Variants in FUNDC2 observed in about 807,000 individuals in gnomAD.
FUNDC2 encodes FUN14 domain containing 2.
FUNDC2 carries 4 observed loss-of-function variants against 15.6 expected under a neutral mutation model. The observed-to-expected ratio is 0.26, with a 90% CI of 0.13 to 0.59. The LOEUF (loss-of-function observed/expected upper bound fraction) is 0.59. Among genes scored for constraint, FUNDC2 ranks in the 20% least tolerant of loss-of-function variants. FUNDC2 has a pLI of 0.90. For synonymous variants in FUNDC2, 44 were observed against 56.9 expected, an observed-to-expected ratio of 0.77 and a Z score of 1.02; for missense variants, 98 against 149.7, an observed-to-expected ratio of 0.65 and a Z score of 1.80.
chrX:155,050,223 G>A (rs782551702), intron 3 of FUNDC2: 3 of 111,968 alleles, frequency 2.7e-5, no homozygotes, highest in Admixed American at 9.5e-5. Flanking sequence ...TTATGTAGAT[G>A]TTCTTTATCA....
At chrX:155,049,114 A>G (rs1333400251) in intron 3 of FUNDC2, 2 of 113,142 alleles carry the variant, frequency 1.8e-5, no homozygotes, top group East Asian at 5.5e-4. Context: ...TTCAGAGCCC[A>G]GCAGCAACGC....
At position 155,046,526 on chromosome X, in the gene FUNDC2, T is replaced by G; in HGVS notation, c.302T>G (p.Phe101Cys). Residue 101 changes from phenylalanine (F) to cysteine (C), a missense_variant, in exon 3 of 5, where the codon TTC becomes TGC. Phe to Cys is a radical substitution (Grantham distance 205). Coordinates refer to ENST00000369498, the MANE Select transcript of FUNDC2 (RefSeq NM_023934.4). Reference sequence around the variant, plus strand: ...TTTTGTAGGTGCACAGGTTTCATATTCCAGAAGGTTGGAAAGTTGGCTGCA... The same window carrying G: ...TTTTGTAGGTGCACAGGTTTCATATGCCAGAAGGTTGGAAAGTTGGCTGCA... ...GVTGWCTGFIFQKVGKLAATA... is the reference protein window; with the variant it reads ...GVTGWCTGFICQKVGKLAATA... 8.3e-7 allele frequency: 1 copy of G among 1,211,225 alleles called. No individual in the cohort carries two copies. The highest frequency in any genetic ancestry group is 2.2e-5 in the Admixed American group (1 of 46,077).
At position 155,045,975 on chromosome X, in the gene FUNDC2, T is replaced by C. The variant is rs141406904; in HGVS notation, c.285-534T>C. Among the ~76,000 whole-genome samples, 120 of 110,987 alleles carry C rather than the reference T, an allele frequency of 1.1e-3. No homozygotes were observed. The East Asian group carries it at 0.033, about 31-fold the overall frequency. ...GCATTCAACATATTCAAAATGACAT[T>C]ATCTCCTCCCCTCCCTTCCCCCACC... On this transcript the variant is annotated intron_variant, in intron 2 of 4. Transcript: ENST00000369498.
chrX:155,028,554 C>CTAAATGG (rs1452031290), intron 1 of FUNDC2, among the ~76,000 whole-genome samples: 5 of 112,236 alleles, frequency 4.5e-5, no homozygotes, highest in Non-Finnish European at 9.4e-5. Flanking sequence ...TTTTGTTCTG[C>CTAAATGG]TAAATGGGCG....
At chrX:155,044,552 G>C (rs5945280) in intron 2 of FUNDC2, among the ~76,000 whole-genome samples, 28,014 of 111,077 alleles carry the variant, frequency 0.25, 2,580 homozygotes, top group South Asian at 0.38. Flanking sequence ...GGGAAAAGAC[G>C]TGAACAGACA....
In FUNDC2 at chrX:155,027,019, T is replaced by A; in HGVS notation, c.81T>A (p.Pro27=). Reference sequence around the variant, plus strand: ...ACTCCGCGGCCTACCGCGCAGATCCTCTACGTGTGTCCTCGCGAGACAAGC... The same window carrying A: ...ACTCCGCGGCCTACCGCGCAGATCCACTACGTGTGTCCTCGCGAGACAAGC... ...ARHSAAYRAD[P]LRVSSRDKLT... The change falls in exon 1 of 5, where the codon CCT becomes CCA. Residue 27 remains proline (P), a synonymous_variant. Coordinates refer to ENST00000369498, the MANE Select transcript of FUNDC2 (RefSeq NM_023934.4). 1 of 1,200,930 alleles carries A rather than the reference T, an allele frequency of 8.3e-7. No individual in the cohort carries two copies. Among genetic ancestry groups the A allele is most frequent in the South Asian group, 1.8e-5 (1 of 55,882 alleles).
rs1569560281 is a variant in FUNDC2, at chrX:155,057,032, GGCCTCATCCTGCTAGTATGAGAACGGC to G, written c.*2361_*2387del. On this transcript the variant is annotated 3_prime_UTR_variant, in exon 5 of 5. Coordinates refer to ENST00000369498, the MANE Select transcript of FUNDC2 (RefSeq NM_023934.4). ...ATGGTTGAGGTCAGTATTGCAGGTTGGCCTCATCCTGCTAGTATGAGAACGGCTGTGAGTTCTGCCCACGGTGTGAGG... is the reference window on the plus strand; with the variant it reads ...ATGGTTGAGGTCAGTATTGCAGGTTGTGTGAGTTCTGCCCACGGTGTGAGG... 3.1e-5 allele frequency: 3 copies of G among 98,127 alleles called. No homozygotes were observed. Among genetic ancestry groups the G allele is most frequent in the Non-Finnish European group, 6.5e-5 (3 of 46,159 alleles). 8.1% of individuals were successfully genotyped at this position (98,127 alleles called of 1,213,427 possible). A position where few individuals can be genotyped will look rare whatever the true frequency, so the allele number is the denominator to read the frequency against.
At chrX:155,047,295 T>C (rs182429567) in intron 3 of FUNDC2, 2 of 340,726 alleles carry the variant, frequency 5.9e-6, no homozygotes, top group Non-Finnish European at 1.2e-5. Flanking sequence ...GTGATTCTGC[T>C]GTGCTGTGGG....
chrX:155,054,436 A>G (rs2073887638), intron 4 of FUNDC2, 159 bp from the exon 5 acceptor site: 1 of 748,924 alleles, frequency 1.3e-6, no homozygotes, highest in Non-Finnish European at 1.6e-6. Context: ...TATTAAATAG[A>G]CTATTAGTGT....
intron 2 of FUNDC2, among the ~76,000 whole-genome samples, chrX:155,043,697 ACT>A (rs1557289810): frequency 3.6e-5 from 4 of 112,161 alleles, no homozygotes; most frequent in African/African-American, 1.3e-4. Flanking sequence ...TATGTCAGTT[ACT>A]CTGATTATAC....
Position 155,057,335 on chromosome X carries a change from CCTTT to C in FUNDC2, c.*2665_*2668del, listed in dbSNP as rs1557291142. On this transcript the variant is annotated 3_prime_UTR_variant, in exon 5 of 5. Coordinates refer to ENST00000369498, the MANE Select transcript of FUNDC2 (RefSeq NM_023934.4). ...ATGATTCAAGGACCAGGCAGCTCCA[CCTTT>C]CAGTGCACTACTTTCATTTGACTGG... 4.5e-5 allele frequency: 5 copies of C among 111,672 alleles called. No homozygotes were observed. The highest frequency in any genetic ancestry group is 7.6e-5 in the Non-Finnish European group (4 of 52,959). The allele number at this position is 111,672 out of a possible 1,213,427, so 9.2% of individuals were successfully genotyped here.
chrX:155,039,528 A>G (rs1042790100), intron 2 of FUNDC2, among the ~76,000 whole-genome samples: 5 of 111,819 alleles, frequency 4.5e-5, no homozygotes, highest in South Asian at 7.3e-4. Context: ...GATTTTTGCA[A>G]TGGTTTGAGA....
rs890171562 is a variant in FUNDC2, at chrX:155,056,288, T to C, written c.*1616T>C. The stretch of plus-strand genomic sequence containing the variant: ...AGTTATTGTGAAACAAATATCAAAA[T>C]GTCATTTTATCATATTTCAGTATGT... On this transcript the variant is annotated 3_prime_UTR_variant, in exon 5 of 5. Transcript: ENST00000369498. 1 of 111,841 alleles carries C rather than the reference T, an allele frequency of 8.9e-6. No homozygotes were observed. The highest frequency in any genetic ancestry group is 1.9e-5 in the Non-Finnish European group (1 of 53,187). 9.2% of individuals were successfully genotyped at this position (111,841 alleles called of 1,213,427 possible). A position where few individuals can be genotyped will look rare whatever the true frequency, so the allele number is the denominator to read the frequency against.
intron 2 of FUNDC2, among the ~76,000 whole-genome samples, chrX:155,043,937 G>A (rs1437162363): frequency 8.9e-6 from 1 of 112,306 alleles, no homozygotes; most frequent in Non-Finnish European, 1.9e-5. Context: ...TAGACAATGA[G>A]GGTAGTGAGG....
At chrX:155,034,198 A>C (rs1296461818) in intron 2 of FUNDC2, among the ~76,000 whole-genome samples, 5 of 112,740 alleles carry the variant, frequency 4.4e-5, no homozygotes, top group Non-Finnish European at 9.4e-5. Context: ...CAGTTATTTC[A>C]TTGCTTTTCT....
In FUNDC2 at chrX:155,026,907, C is replaced by T. The variant is rs1275178889; in HGVS notation, c.-32C>T. 5 of 1,169,871 alleles carry T rather than the reference C, an allele frequency of 4.3e-6. No homozygotes were observed. The highest frequency in any genetic ancestry group is 5.7e-6 in the Non-Finnish European group (5 of 876,747). ...GAGACTGCAAGCAGCCGCGGCGCGC[C>T]CGGCCCTCCCTCTTCCGCTGCCGCC... is the stretch of plus-strand genomic sequence containing the variant. On this transcript the variant is annotated 5_prime_UTR_variant, in exon 1 of 5. Coordinates refer to ENST00000369498, the MANE Select transcript of FUNDC2 (RefSeq NM_023934.4).
intron 2 of FUNDC2, among the ~76,000 whole-genome samples, chrX:155,035,807 A>G (rs2073829136): frequency 8.9e-6 from 1 of 112,048 alleles, no homozygotes; most frequent in Non-Finnish European, 1.9e-5. Context: ...CACCATAATA[A>G]TTTTGAGATA....
chrX:155,056,222 C>G lies in FUNDC2; in HGVS notation c.*1550C>G, dbSNP rs879978606. The G allele has an allele frequency of 4.5e-5, 5 of 112,073 alleles. No individual in the cohort carries two copies. Among genetic ancestry groups the G allele is most frequent in the South Asian group, 7.3e-4 (2 of 2,747 alleles). 9.2% of individuals were successfully genotyped at this position (112,073 alleles called of 1,213,427 possible). A position where few individuals can be genotyped will look rare whatever the true frequency, so the allele number is the denominator to read the frequency against. Reference sequence around the variant, plus strand: ...AATCCCCCTGTGTATCTATCACTCACTCACAACAATCATCAAATTATAGCT... The same window carrying G: ...AATCCCCCTGTGTATCTATCACTCAGTCACAACAATCATCAAATTATAGCT... On this transcript the variant is annotated 3_prime_UTR_variant, in exon 5 of 5. Transcript: ENST00000369498.
chrX:155,032,402 G>A (rs1229222851), intron 1 of FUNDC2, among the ~76,000 whole-genome samples: 1 of 103,204 alleles, frequency 9.7e-6, no homozygotes, highest in African/African-American at 3.6e-5. Flanking sequence ...TTCTCCTCCC[G>A]AGTAGCTAGG....
Sources: allele counts gnomAD v4.1 joint callset (sites outside exome capture counted in the v4.1 genomes callset), GRCh38; gene constraint gnomAD v4.1.1; transcripts MANE v1.5; gene names NCBI Gene and HGNC (gene_info 2026-07-23, HGNC 2026-07-21).